Variants in OSBPL11 observed in about 807,000 individuals in gnomAD.
OSBPL11 encodes the protein oxysterol-binding protein-related protein 11.
OSBPL11 carries 33 observed loss-of-function variants against 84.4 expected under a neutral mutation model. The ratio of observed to expected loss-of-function variants is 0.39; its 90% CI spans 0.30 to 0.52. OSBPL11 has a LOEUF of 0.52. OSBPL11 is among the 20% of genes least tolerant of loss of function. The pLI is 0.72. For missense variants in OSBPL11, 736 were observed against 901.1 expected (o/e 0.82, Z 2.35); for synonymous variants, 276 against 310.2 (o/e 0.89, Z 1.16).
intron 7 of OSBPL11, 25 bp downstream of exon 7, chr3:125,563,673 A>G (rs748794741): frequency 1.9e-6 from 3 of 1,609,966 alleles, no homozygotes; most frequent in East Asian, 2.2e-5. Context: ...TTTCACATCA[A>G]AATCATATTT....
intron 1 of OSBPL11, among the ~76,000 whole-genome samples, chr3:125,590,117 G>A (rs975827667): frequency 1.1e-4 from 17 of 152,134 alleles, no homozygotes; most frequent in African/African-American, 4.1e-4. Context: ...TATTCACTAT[G>A]AAAAAGGAAG....
In OSBPL11 at chr3:125,566,091, C is replaced by T. The variant is rs541983565; in HGVS notation, c.868+1303G>A. On this transcript the variant is annotated intron_variant, in intron 6 of 12. Coordinates refer to ENST00000296220, the MANE Select transcript of OSBPL11 (RefSeq NM_022776.5). ...CACGATCTGGGCTCACTGCACCCTCCGCCTCCTGGGTTCAAGCGATTCTCC... is the reference window on the plus strand; with the variant it reads ...CACGATCTGGGCTCACTGCACCCTCTGCCTCCTGGGTTCAAGCGATTCTCC... 1.7e-4 allele frequency among the ~76,000 whole-genome samples: 26 copies of T among 152,136 alleles called. No homozygotes were observed. In the South Asian group the frequency reaches 4.2e-3, roughly 24 times the overall value.
At chr3:125,572,786 G>C (rs1445663562) in intron 5 of OSBPL11, among the ~76,000 whole-genome samples, 2 of 147,930 alleles carry the variant, frequency 1.4e-5, no homozygotes, top group South Asian at 2.1e-4. Flanking sequence ...TTTATCAGCA[G>C]TATGAATATG....
intron 1 of OSBPL11, among the ~76,000 whole-genome samples, chr3:125,589,693 C>T (rs1272485162): frequency 1.3e-5 from 2 of 151,948 alleles, no homozygotes; most frequent in African/African-American, 2.4e-5. Flanking sequence ...CCTCTAAGAC[C>T]ATGAACATTC....
At chr3:125,569,276 G>C (rs1936209258) in intron 5 of OSBPL11, among the ~76,000 whole-genome samples, 1 of 151,994 alleles carries the variant, frequency 6.6e-6, no homozygotes, top group Non-Finnish European at 1.5e-5. Flanking sequence ...GGCTCATCGG[G>C]GGCAAGTGAA....
Position 125,594,944 on chromosome 3 carries a change from G to C in OSBPL11, c.-144C>G. 1.2e-6 allele frequency: 1 copy of C among 838,350 alleles called. No individual in the cohort carries two copies. Among genetic ancestry groups the C allele is most frequent in the South Asian group, 1.9e-5 (1 of 52,168 alleles). The allele number at this position is 838,350 out of a possible 1,614,324, so 51.9% of individuals were successfully genotyped here. On this transcript the variant is annotated 5_prime_UTR_variant, in exon 1 of 13. Transcript: ENST00000296220. ...GCGGCTGGGGCGGGACTGTCAAATG[G>C]TCCAGAAAAGGAAGATACACATTCC...
At chr3:125,541,172 T>A (rs1041778379) in intron 10 of OSBPL11, among the ~76,000 whole-genome samples, 1 of 152,228 alleles carries the variant, frequency 6.6e-6, no homozygotes, top group South Asian at 2.1e-4. Flanking sequence ...TTGTATGTCC[T>A]TAGGGAACTG....
At chr3:125,581,009 C>T (rs570840514) in intron 2 of OSBPL11, among the ~76,000 whole-genome samples, 5 of 151,778 alleles carry the variant, frequency 3.3e-5, no homozygotes, top group East Asian at 1.9e-4. Flanking sequence ...AATACTAATA[C>T]ACTTTGGAAA....
chr3:125,585,541 A>AC (rs1936494405), intron 1 of OSBPL11, among the ~76,000 whole-genome samples: 2 of 99,998 alleles, frequency 2.0e-5, no homozygotes, highest in African/African-American at 6.6e-5. Flanking sequence ...TTTCTGAAAA[A>AC]AAAAAAAACA....
At chr3:125,535,761 C>T (rs1184526859) in intron 11 of OSBPL11, among the ~76,000 whole-genome samples, 2 of 151,622 alleles carry the variant, frequency 1.3e-5, no homozygotes, top group Non-Finnish European at 2.9e-5. Context: ...AGGCGTGAGC[C>T]ACCACACCGG....
chr3:125,592,249 G>A (rs1318842486), intron 1 of OSBPL11, among the ~76,000 whole-genome samples: 5 of 151,998 alleles, frequency 3.3e-5, no homozygotes, highest in Non-Finnish European at 7.4e-5. Context: ...ATGTTGCCCA[G>A]GCTAGTCTCA....
intron 5 of OSBPL11, among the ~76,000 whole-genome samples, chr3:125,573,857 A>G (rs1436740170): frequency 1.4e-5 from 2 of 140,140 alleles, no homozygotes; most frequent in African/African-American, 5.5e-5. Context: ...GGGCAACAAG[A>G]GCAAAACTCC....
intron 6 of OSBPL11, among the ~76,000 whole-genome samples, chr3:125,566,796 T>A (rs2084395): frequency 0.46 from 69,089 of 149,146 alleles, 16,915 homozygotes; most frequent in African/African-American, 0.65. Flanking sequence ...ATATATATAT[T>A]TTTTTTTTAA....
intron 11 of OSBPL11, among the ~76,000 whole-genome samples, chr3:125,535,439 CTTTT>C (rs763678488): frequency 1.2e-5 from 1 of 84,282 alleles, no homozygotes; most frequent in African/African-American, 4.6e-5. Flanking sequence ...TCAGAAGCAT[CTTTT>C]TTTTTTTTTT....
intron 1 of OSBPL11, among the ~76,000 whole-genome samples, chr3:125,583,910 G>C (rs1250821510): frequency 4.6e-5 from 7 of 152,058 alleles, no homozygotes. Flanking sequence ...AAAGCAGAGA[G>C]CTATATTTTT....
chr3:125,568,717 C>T (rs6438905), intron 5 of OSBPL11, among the ~76,000 whole-genome samples: 9,784 of 152,232 alleles, frequency 0.064, 411 homozygotes, highest in African/African-American at 0.12. Context: ...TTAATACACT[C>T]TGCTTTTATT....
intron 1 of OSBPL11, among the ~76,000 whole-genome samples, chr3:125,587,359 T>C (rs1395899747): frequency 6.6e-6 from 1 of 152,196 alleles, no homozygotes. Flanking sequence ...ATGTTAAATT[T>C]AATGAACCTG....
At chr3:125,593,878 G>C (rs995402470) in intron 1 of OSBPL11, among the ~76,000 whole-genome samples, 1 of 151,848 alleles carries the variant, frequency 6.6e-6, no homozygotes, top group Non-Finnish European at 1.5e-5. Flanking sequence ...GGGATGTGCT[G>C]GTTTGTTTCA....
intron 5 of OSBPL11, among the ~76,000 whole-genome samples, chr3:125,574,957 G>C (rs905752792): frequency 1.3e-5 from 2 of 152,150 alleles, no homozygotes; most frequent in African/African-American, 4.8e-5. Context: ...GATTCCACAC[G>C]GCATCTAACA....
Sources: gnomAD v4.1 joint callset for allele counts (sites outside exome capture counted in the v4.1 genomes callset) on GRCh38, gnomAD v4.1.1 for gene constraint, MANE v1.5 for transcripts, NCBI Gene and HGNC (gene_info 2026-07-23, HGNC 2026-07-21) for gene names.